Variants in PPM1B observed in about 807,000 individuals in gnomAD.
PPM1B encodes the protein protein phosphatase, Mg2+/Mn2+ dependent 1B.
A neutral mutation model predicts 43.0 loss-of-function variants in PPM1B; 22 were observed. The observed-to-expected ratio is 0.51, with a 90% CI of 0.37 to 0.73. The LOEUF (loss-of-function observed/expected upper bound fraction) is 0.73, where lower values mean the gene tolerates loss of function less well. Among genes scored for constraint, PPM1B ranks in the 30% least tolerant of loss-of-function variants. PPM1B has a pLI of 0.00. For synonymous variants in PPM1B, 217 were observed against 197.9 expected (o/e 1.10, Z -0.81); for missense variants, 632 against 584.2 (o/e 1.08, Z -0.84).
chr2:44,191,627 T>C (rs1392329234), intron 1 of PPM1B, among the ~76,000 whole-genome samples: 1 of 152,244 alleles, frequency 6.6e-6, no homozygotes, highest in African/African-American at 2.4e-5. Context: ...GTCTATACTT[T>C]TAAATTCTGT....
chr2:44,227,629 C>T (rs1392017327), intron 5 of PPM1B, among the ~76,000 whole-genome samples: 3 of 151,482 alleles, frequency 2.0e-5, no homozygotes, highest in Non-Finnish European at 4.4e-5. Context: ...AGCAATTCTC[C>T]TGCCTCAGCC....
intron 1 of PPM1B, among the ~76,000 whole-genome samples, chr2:44,176,154 T>A (rs1295775182): frequency 6.6e-6 from 1 of 152,044 alleles, no homozygotes; most frequent in Non-Finnish European, 1.5e-5. Context: ...TGAGGGAAAT[T>A]TGGGGCCTTC....
downstream of PPM1B, among the ~76,000 whole-genome samples, chr2:44,237,996 G>A (rs1670665887): frequency 6.6e-6 from 1 of 152,106 alleles, no homozygotes; most frequent in South Asian, 2.1e-4. Context: ...CACCTCCCGG[G>A]TTCAAGCGAT....
intron 1 of PPM1B, among the ~76,000 whole-genome samples, chr2:44,178,511 A>C (rs916192729): frequency 8.7e-5 from 13 of 149,572 alleles, no homozygotes; most frequent in African/African-American, 3.2e-4. Flanking sequence ...CTTGTCACCC[A>C]GGCTGGAGTG....
At chr2:44,226,054 C>G (rs961702125) in intron 5 of PPM1B, among the ~76,000 whole-genome samples, 4 of 149,968 alleles carry the variant, frequency 2.7e-5, no homozygotes, top group Admixed American at 6.6e-5. Flanking sequence ...CAGCTCACTG[C>G]AAGCTCCGTC....
At chr2:44,170,074 C>A (rs760536161) in intron 1 of PPM1B, among the ~76,000 whole-genome samples, 1 of 152,126 alleles carries the variant, frequency 6.6e-6, no homozygotes, top group East Asian at 1.9e-4. Flanking sequence ...AAATGAAGGA[C>A]TCAGTGAGTG....
chr2:44,237,029 T>G (rs535113208), downstream of PPM1B, among the ~76,000 whole-genome samples: 7 of 152,332 alleles, frequency 4.6e-5, no homozygotes, highest in Middle Eastern at 3.4e-3. Context: ...AATGTTAACA[T>G]AATTGTTAAG....
intron 1 of PPM1B, among the ~76,000 whole-genome samples, chr2:44,194,516 G>A (rs1015866604): frequency 6.6e-6 from 1 of 152,128 alleles, no homozygotes; most frequent in Non-Finnish European, 1.5e-5. Context: ...GATGTCAGGA[G>A]ATCGAGACCT....
intron 1 of PPM1B, among the ~76,000 whole-genome samples, chr2:44,192,208 A>ATTGTG (rs1668439045): frequency 6.7e-6 from 1 of 148,552 alleles, no homozygotes; most frequent in South Asian, 2.1e-4. Flanking sequence ...ATTGTATTGT[A>ATTGTG]TTGTATTGTA....
In PPM1B at chr2:44,218,016, C is replaced by T. The variant is rs187813829; in HGVS notation, c.1014C>T (p.Val338=). The part of the protein sequence containing the change: ...GEEGMPDLAH[V]MRILSAENIP... ...AAGGAATGCCTGATCTTGCCCATGT[C>T]ATGCGCATCTTGTCTGCAGAAAATA... The change falls in exon 4 of 6, where the codon GTC becomes GTT. Residue 338 remains valine, a synonymous_variant. Transcript: ENST00000282412. 6.2e-7 allele frequency: 1 copy of T among 1,612,344 alleles called. No individual in the cohort carries two copies. Among genetic ancestry groups the T allele is most frequent in the Non-Finnish European group, 8.5e-7 (1 of 1,179,552 alleles).
chr2:44,234,695 T>C (rs572284284), downstream of PPM1B: 43 of 797,252 alleles, frequency 5.4e-5, no homozygotes, highest in South Asian at 1.7e-4. Context: ...GACCCACTTA[T>C]ACTCTTACAA....
At chr2:44,240,480 CAG>C (rs907118087) in intron 5 of PPM1B, among the ~76,000 whole-genome samples, 1 of 145,108 alleles carries the variant, frequency 6.9e-6, no homozygotes, top group African/African-American at 2.5e-5. Context: ...TTTTTTTCAG[CAG>C]AGAGTAGATT....
chr2:44,169,808 C>G (rs1331031950), intron 1 of PPM1B, among the ~76,000 whole-genome samples: 2 of 152,288 alleles, frequency 1.3e-5, no homozygotes, highest in African/African-American at 4.8e-5. Context: ...TTGTGTGTTT[C>G]TCTTTTCTTC....
intron 1 of PPM1B, among the ~76,000 whole-genome samples, chr2:44,177,980 C>T (rs976742859): frequency 6.8e-6 from 1 of 146,772 alleles, no homozygotes; most frequent in Admixed American, 6.9e-5. Flanking sequence ...TGCAGTGGCT[C>T]AATCTTGGCT....
At chr2:44,172,229 A>G (rs1667381277) in intron 1 of PPM1B, among the ~76,000 whole-genome samples, 1 of 152,214 alleles carries the variant, frequency 6.6e-6, no homozygotes, top group South Asian at 2.1e-4. Flanking sequence ...TTGCTGAATT[A>G]ATTTCAGAAT....
chr2:44,181,593 T>C (rs1369382596), intron 1 of PPM1B, among the ~76,000 whole-genome samples: 1 of 152,158 alleles, frequency 6.6e-6, no homozygotes, highest in Non-Finnish European at 1.5e-5. Flanking sequence ...AAAAACAAGA[T>C]TGATGGAACA....
intron 2 of PPM1B, among the ~76,000 whole-genome samples, chr2:44,203,772 G>A (rs1242012854): frequency 1.3e-5 from 2 of 152,098 alleles, no homozygotes; most frequent in East Asian, 1.9e-4. Context: ...AAAGAATGAG[G>A]TTGTGAGGGA....
chr2:44,210,556 T>C (rs1257429812), intron 3 of PPM1B, among the ~76,000 whole-genome samples: 1 of 152,102 alleles, frequency 6.6e-6, no homozygotes, highest in African/African-American at 2.4e-5. Flanking sequence ...TGCAGAAGTA[T>C]TACAGGATCT....
intron 3 of PPM1B, among the ~76,000 whole-genome samples, chr2:44,215,750 A>T (rs1316703140): frequency 2.6e-5 from 4 of 152,234 alleles, no homozygotes; most frequent in Non-Finnish European, 5.9e-5. Context: ...GTCACTGAGG[A>T]TATAGCAGAA....
Sources: allele counts gnomAD v4.1 joint callset (sites outside exome capture counted in the v4.1 genomes callset), GRCh38; gene constraint gnomAD v4.1.1; transcripts MANE v1.5; gene names NCBI Gene and HGNC (gene_info 2026-07-23, HGNC 2026-07-21).